Variants in SLC20A2 observed in about 807,000 individuals in gnomAD.
SLC20A2 encodes sodium-dependent phosphate transporter 2.
In SLC20A2, 30 loss-of-function variants were observed where a neutral mutation model predicts 61.0. That is an observed-to-expected ratio of 0.49 (90% confidence interval 0.37 to 0.67). The LOEUF (loss-of-function observed/expected upper bound fraction) is 0.67, where lower values mean the gene tolerates loss of function less well. Ranked by LOEUF, SLC20A2 falls within the 30% of genes least tolerant of loss-of-function variation. SLC20A2 has a pLI of 0.00. For missense variants in SLC20A2, 626 were observed against 866.4 expected (o/e 0.72, Z 3.48); for synonymous variants, 351 against 353.3 (o/e 0.99, Z 0.07).
intron 8 of SLC20A2, among the ~76,000 whole-genome samples, chr8:42,432,519 G>A (rs1336087986): frequency 6.6e-6 from 1 of 152,238 alleles, no homozygotes; most frequent in Non-Finnish European, 1.5e-5. Flanking sequence ...AGCAGAGGCT[G>A]GGTGTGAGGG....
Position 42,417,682 on chromosome 8 carries a change from A to C in SLC20A2, c.*121T>G. ...ATGGAGCCTCCTGGAAGGGAGGCAG[A>C]GAGCTGGTCATGAGAGAGCCGTGCA... On this transcript the variant is annotated 3_prime_UTR_variant, in exon 11 of 11. Transcript: ENST00000520262. 9.3e-7 allele frequency: 1 copy of C among 1,079,608 alleles called. No homozygotes were observed. Among genetic ancestry groups the C allele is most frequent in the Admixed American group, 2.2e-5 (1 of 46,318 alleles). The allele number at this position is 1,079,608 out of a possible 1,614,324, so 66.9% of individuals were successfully genotyped here.
At chr8:42,434,640 G>A (rs1804107574) in intron 8 of SLC20A2, among the ~76,000 whole-genome samples, 1 of 152,206 alleles carries the variant, frequency 6.6e-6, no homozygotes, top group African/African-American at 2.4e-5. Context: ...GGTGGGATAG[G>A]CCATGGCAGC....
intron 2 of SLC20A2, 30 bp from the exon 3 acceptor site, chr8:42,465,947 A>AG: frequency 8.1e-6 from 13 of 1,601,302 alleles, no homozygotes; most frequent in Non-Finnish European, 1.1e-5. Flanking sequence ...AAACCATCAG[A>AG]TACAGAGTAC....
At chr8:42,445,600 G>A (rs1242081769) in intron 5 of SLC20A2, among the ~76,000 whole-genome samples, 5 of 152,132 alleles carry the variant, frequency 3.3e-5, no homozygotes, top group South Asian at 2.1e-4. Context: ...GGTGACAGGC[G>A]CCTGTAATCA....
At chr8:42,445,748 G>GA (rs1356251996) in intron 5 of SLC20A2, among the ~76,000 whole-genome samples, 7 of 150,772 alleles carry the variant, frequency 4.6e-5, no homozygotes, top group East Asian at 3.9e-4. Context: ...AAGAAATAAA[G>GA]AAAAAAAAAG....
In SLC20A2 at chr8:42,444,697, C is replaced by A; in HGVS notation, c.679G>T (p.Ala227Ser). 1 of 1,613,858 alleles carries A rather than the reference C, an allele frequency of 6.2e-7. No homozygotes were observed. Among genetic ancestry groups the A allele is most frequent in the Non-Finnish European group, 8.5e-7 (1 of 1,179,860 alleles). ...LISFGVALLF[A>S]FFVWLFVCPW... ...CACACGAAGAGCCACACAAAAAAAGCGAACAGGAGGGCGACACCAAAGGAA... is the reference window on the plus strand; with the variant it reads ...CACACGAAGAGCCACACAAAAAAAGAGAACAGGAGGGCGACACCAAAGGAA... Residue 227 changes from alanine (A) to serine (S), a missense_variant, in exon 6 of 11, where the codon GCT becomes TCT. This residue lies in a region of SLC20A2 where 361 missense variants were observed against 422.3 expected (regional missense o/e 0.85). Coordinates refer to ENST00000520262, the MANE Select transcript of SLC20A2 (RefSeq NM_001257180.2).
intron 2 of SLC20A2, among the ~76,000 whole-genome samples, chr8:42,466,953 A>G (rs1350356340): frequency 6.6e-6 from 1 of 152,146 alleles, no homozygotes; most frequent in Non-Finnish European, 1.5e-5. Context: ...TACAGGCATG[A>G]GCTGCCACAC....
chr8:42,449,338 G>A (rs959211643), intron 5 of SLC20A2, among the ~76,000 whole-genome samples: 1 of 152,190 alleles, frequency 6.6e-6, no homozygotes, highest in Non-Finnish European at 1.5e-5. Flanking sequence ...TTCATTTGCG[G>A]AGCAGCTAAG....
chr8:42,477,594 C>T (rs770273201), intron 1 of SLC20A2, among the ~76,000 whole-genome samples: 10 of 151,664 alleles, frequency 6.6e-5, no homozygotes, highest in Non-Finnish European at 1.5e-4. Context: ...CCTCAGCCTC[C>T]CGAGTAGCTG....
intron 1 of SLC20A2, among the ~76,000 whole-genome samples, chr8:42,481,769 A>G (rs1427182860): frequency 1.3e-5 from 2 of 152,176 alleles, no homozygotes; most frequent in Non-Finnish European, 1.5e-5. Flanking sequence ...CTTATGGGAC[A>G]TGAACAGACT....
intron 1 of SLC20A2, among the ~76,000 whole-genome samples, chr8:42,514,235 A>C (rs988066480): frequency 6.6e-6 from 1 of 152,214 alleles, no homozygotes. Context: ...GTGGGCAAGA[A>C]CCACTCCTGT....
At chr8:42,495,331 G>A (rs906875679) in intron 1 of SLC20A2, among the ~76,000 whole-genome samples, 1 of 152,096 alleles carries the variant, frequency 6.6e-6, no homozygotes, top group Non-Finnish European at 1.5e-5. Flanking sequence ...ACAGACACTT[G>A]GAATGTTCCC....
At chr8:42,446,504 C>T (rs2131064501) in intron 5 of SLC20A2, among the ~76,000 whole-genome samples, 1 of 152,246 alleles carries the variant, frequency 6.6e-6, no homozygotes, top group Non-Finnish European at 1.5e-5. Flanking sequence ...ATATATGCAT[C>T]ATTATGAAAA....
At chr8:42,451,125 G>A (rs914574967) in intron 5 of SLC20A2, among the ~76,000 whole-genome samples, 6 of 152,064 alleles carry the variant, frequency 3.9e-5, no homozygotes, top group African/African-American at 1.4e-4. Context: ...ATCAGAAGCA[G>A]CTGCAACTGG....
intron 1 of SLC20A2, among the ~76,000 whole-genome samples, chr8:42,493,447 T>C (rs989410688): frequency 3.9e-5 from 6 of 152,220 alleles, no homozygotes; most frequent in African/African-American, 1.4e-4. Flanking sequence ...CTCATCACTG[T>C]CACTCAAAAT....
In SLC20A2 at chr8:42,484,596, T is replaced by C. The variant is rs564840142; in HGVS notation, c.-264-11942A>G. On this transcript the variant is annotated intron_variant, in intron 1 of 10. Transcript: ENST00000520262. ...AGATCATCTTTCTTGCACTCTGTGC[T>C]TTCAAAGCTATCTTCCAGCTTTGCA... 4 of 205,222 alleles carry C rather than the reference T, an allele frequency of 1.9e-5. No homozygotes were observed. The South Asian group carries it at 3.8e-4, about 20-fold the overall frequency. The allele number at this position is 205,222 out of a possible 1,614,324, so 12.7% of individuals were successfully genotyped here.
Position 42,528,913 on chromosome 8 carries a change from C to T in SLC20A2, c.-265+12908G>A, listed in dbSNP as rs529753279. ...AACTCCTGATCTCGGGTGATCCCCCCGCCTCAGCCTCCCAAAGTGCTGGGA... is the reference window on the plus strand; with the variant it reads ...AACTCCTGATCTCGGGTGATCCCCCTGCCTCAGCCTCCCAAAGTGCTGGGA... On this transcript the variant is annotated intron_variant, in intron 1 of 10. Transcript: ENST00000342228. Among the ~76,000 whole-genome samples, 17 of 151,938 alleles carry T rather than the reference C, an allele frequency of 1.1e-4. No homozygotes were observed. In the East Asian group the frequency reaches 1.4e-3, roughly 12 times the overall value.
intron 3 of SLC20A2, chr8:42,463,502 G>C (rs2131177753): frequency 6.5e-6 from 1 of 153,214 alleles, no homozygotes; most frequent in East Asian, 1.9e-4. Flanking sequence ...CCTTTGCCAA[G>C]GCCAGCCGGG....
At chr8:42,527,941 C>T (rs943872765) in intron 1 of SLC20A2, among the ~76,000 whole-genome samples, 6 of 151,902 alleles carry the variant, frequency 3.9e-5, no homozygotes, top group Non-Finnish European at 5.9e-5. Flanking sequence ...AAAAAGTCAG[C>T]GAAACTATAC....
Sources: allele counts gnomAD v4.1 joint callset (sites outside exome capture counted in the v4.1 genomes callset), GRCh38; gene constraint gnomAD v4.1.1; regional missense constraint gnomAD v4.1.1; transcripts MANE v1.5; gene names NCBI Gene and HGNC (gene_info 2026-07-23, HGNC 2026-07-21).